The following PDGFC variants were observed in gnomAD, a reference collection of about 807,000 sequenced individuals.
PDGFC encodes the protein platelet derived growth factor C, also known as platelet-derived growth factor C.
A neutral mutation model predicts 35.5 loss-of-function variants in PDGFC; 12 were observed. That is an observed-to-expected ratio of 0.34 (90% confidence interval 0.22 to 0.55). The LOEUF (loss-of-function observed/expected upper bound fraction) is 0.55, where lower values mean the gene tolerates loss of function less well. PDGFC is among the 20% of genes least tolerant of loss of function. The pLI, the probability that PDGFC is intolerant of heterozygous loss-of-function variation, is 0.91. For synonymous variants in PDGFC, 159 were observed against 148.8 expected (o/e 1.07, Z -0.50); for missense variants, 322 against 412.4 (o/e 0.78, Z 1.90).
At chr4:156,788,370 G>A (rs1317322801) in intron 3 of PDGFC, among the ~76,000 whole-genome samples, 1 of 152,186 alleles carries the variant, frequency 6.6e-6, no homozygotes, top group East Asian at 1.9e-4. Flanking sequence ...ACTTGGCTAA[G>A]AGAGATTAAA....
Position 156,950,292 on chromosome 4 carries a change from G to A in PDGFC, c.118+20494C>T, listed in dbSNP as rs150164129. Among the ~76,000 whole-genome samples, 31 of 151,924 alleles carry A rather than the reference G, an allele frequency of 2.0e-4. No homozygotes were observed. In the East Asian group the frequency reaches 2.9e-3, roughly 14 times the overall value. ...CCCTTAGCACAGACAAACAGCTGGC[G>A]CTGGAATGAGACTGTATATGCAGAC... On this transcript the variant is annotated intron_variant, in intron 1 of 5. Transcript: ENST00000502773.
Position 156,767,994 on chromosome 4 carries a change from T to C in PDGFC, c.704-4A>G, listed in dbSNP as rs371527708. 12 of 1,567,140 alleles carry C rather than the reference T, an allele frequency of 7.7e-6. No individual in the cohort carries two copies. The highest frequency in any genetic ancestry group is 5.5e-5 in the South Asian group (5 of 90,128). On this transcript the variant is annotated splice_polypyrimidine_tract_variant and splice_region_variant and intron_variant, in intron 4 of 5. Coordinates refer to ENST00000502773, the MANE Select transcript of PDGFC (RefSeq NM_016205.3). ...GTTAGAAGGTTCAGATCCACCACTA[T>C]ATGGTATAAAAGAAAGCAAAGAAAA...
intron 2 of PDGFC, among the ~76,000 whole-genome samples, chr4:156,848,936 TC>T (rs1040096360): frequency 3.9e-5 from 6 of 152,000 alleles, no homozygotes; most frequent in Non-Finnish European, 5.9e-5. Context: ...TGTAATGAAG[TC>T]CTTTGTCTCT....
intron 3 of PDGFC, among the ~76,000 whole-genome samples, chr4:156,779,499 G>C (rs974801345): frequency 1.3e-5 from 2 of 152,268 alleles, no homozygotes; most frequent in Middle Eastern, 3.4e-3. Flanking sequence ...AGTCCAGTAT[G>C]AAAAGCGTAT....
intron 3 of PDGFC, among the ~76,000 whole-genome samples, chr4:156,784,656 G>A (rs766440239): frequency 1.8e-4 from 28 of 152,124 alleles, no homozygotes; most frequent in Non-Finnish European, 1.2e-4. Flanking sequence ...ACAGAAATAC[G>A]TGTATATTTG....
intron 1 of PDGFC, among the ~76,000 whole-genome samples, chr4:156,941,004 G>T (rs1301858340): frequency 6.6e-6 from 1 of 152,098 alleles, no homozygotes; most frequent in Non-Finnish European, 1.5e-5. Flanking sequence ...CGTCAATGTG[G>T]TAACTATCAA....
intron 1 of PDGFC, among the ~76,000 whole-genome samples, chr4:156,968,150 C>A (rs182838625): frequency 1.3e-5 from 2 of 152,206 alleles, no homozygotes; most frequent in East Asian, 3.9e-4. Context: ...TCTTGAAATA[C>A]CAAGTTAATA....
intron 2 of PDGFC, among the ~76,000 whole-genome samples, chr4:156,814,080 G>T (rs1256438642): frequency 6.6e-6 from 1 of 151,932 alleles, no homozygotes; most frequent in Non-Finnish European, 1.5e-5. Flanking sequence ...TTCACATGAG[G>T]CATGCTCTTT....
chr4:156,803,427 T>C (rs1244191910), intron 3 of PDGFC, among the ~76,000 whole-genome samples: 4 of 151,986 alleles, frequency 2.6e-5, no homozygotes, highest in Non-Finnish European at 4.4e-5. Flanking sequence ...TAATAGAGGA[T>C]GGGGTGCTGG....
In PDGFC at chr4:156,765,945, T is replaced by A. The variant is rs1045367242; in HGVS notation, c.921+1828A>T. Reference sequence around the variant, plus strand: ...CCCACTAAATCCCCACAATAAAGTATGAGGGTTGGAGACTCACCTTATAGA... The same window carrying A: ...CCCACTAAATCCCCACAATAAAGTAAGAGGGTTGGAGACTCACCTTATAGA... On this transcript the variant is annotated intron_variant, in intron 5 of 5. Coordinates refer to ENST00000502773, the MANE Select transcript of PDGFC (RefSeq NM_016205.3). 2.0e-5 allele frequency among the ~76,000 whole-genome samples: 3 copies of A among 152,106 alleles called. No homozygotes were observed. In the East Asian group the frequency reaches 5.8e-4, roughly 29 times the overall value.
chr4:156,957,015 T>TGTAG (rs1732228652), intron 1 of PDGFC, among the ~76,000 whole-genome samples: 4 of 152,010 alleles, frequency 2.6e-5, no homozygotes. Flanking sequence ...GCTGAATCCC[T>TGTAG]CGCTTGGTCA....
intron 1 of PDGFC, chr4:156,967,201 G>C (rs1732487466): frequency 6.6e-6 from 1 of 152,096 alleles, no homozygotes; most frequent in African/African-American, 2.4e-5. Flanking sequence ...ATAAAACAGA[G>C]ATTTGAAGCT....
intron 1 of PDGFC, among the ~76,000 whole-genome samples, chr4:156,951,356 G>A (rs928765464): frequency 2.0e-5 from 3 of 151,844 alleles, no homozygotes; most frequent in East Asian, 1.9e-4. Context: ...ACATGTTCCT[G>A]TATTTATATA....
chr4:156,850,385 A>C lies in PDGFC; in HGVS notation c.150T>G (p.Ile50Met), dbSNP rs774680655. Residue 50 changes from isoleucine (I) to methionine (M), a missense_variant, in exon 2 of 6, where the codon ATT (isoleucine) becomes ATG (methionine). Ile to Met is a conservative substitution (Grantham distance 10, BLOSUM62 1). Coordinates refer to ENST00000502773, the MANE Select transcript of PDGFC (RefSeq NM_016205.3). ...GVQDPQHERI[I>M]TVSTNGSIHS... ...GAATACTTCCATTAGTAGACACAGT[A>C]ATAATTCTCTCATGCTGAGGATCTT... 9 of 1,599,656 alleles carry C rather than the reference A, an allele frequency of 5.6e-6. No homozygotes were observed. The highest frequency in any genetic ancestry group is 6.8e-6 in the Non-Finnish European group (8 of 1,172,310).
intron 1 of PDGFC, among the ~76,000 whole-genome samples, chr4:156,907,534 A>C (rs1730943264): frequency 2.0e-5 from 3 of 152,158 alleles, no homozygotes; most frequent in Admixed American, 1.3e-4. Context: ...ATGTCTAGAG[A>C]CATTGAGGGC....
At chr4:156,903,890 C>T (rs766699472) in intron 1 of PDGFC, among the ~76,000 whole-genome samples, 5 of 152,054 alleles carry the variant, frequency 3.3e-5, no homozygotes, top group Non-Finnish European at 7.4e-5. Context: ...GACTCTAGAC[C>T]CAAAGATCAT....
chr4:156,776,126 GA>G (rs1000066297), intron 3 of PDGFC, among the ~76,000 whole-genome samples: 41 of 150,656 alleles, frequency 2.7e-4, no homozygotes, highest in East Asian at 7.7e-4. Flanking sequence ...AGAAGTTACA[GA>G]AAAAAAAATG....
chr4:156,928,812 G>A (rs1323401507), intron 1 of PDGFC, among the ~76,000 whole-genome samples: 1 of 152,182 alleles, frequency 6.6e-6, no homozygotes, highest in East Asian at 1.9e-4. Flanking sequence ...GCTTACAAGA[G>A]ATTCCACTTT....
intron 1 of PDGFC, among the ~76,000 whole-genome samples, chr4:156,952,229 A>C (rs1732100985): frequency 6.6e-6 from 1 of 151,890 alleles, no homozygotes; most frequent in African/African-American, 2.4e-5. Flanking sequence ...TGAAACAGTC[A>C]GAAACAAAGA....
Sources: gnomAD v4.1 joint callset for allele counts (sites outside exome capture counted in the v4.1 genomes callset) on GRCh38, gnomAD v4.1.1 for gene constraint, MANE v1.5 for transcripts, NCBI Gene and HGNC (gene_info 2026-07-23, HGNC 2026-07-21) for gene names.